CTNNA2: variants seen among roughly 807,000 people sequenced by gnomAD.
CTNNA2 encodes catenin alpha-2.
CTNNA2 carries 42 observed loss-of-function variants against 101.0 expected under a neutral mutation model. That is an observed-to-expected ratio of 0.42 (90% confidence interval 0.32 to 0.54). CTNNA2 has a LOEUF of 0.54. CTNNA2 is among the 20% of genes least tolerant of loss of function. The probability of loss-of-function intolerance (pLI) is 0.14; values close to 1 mark genes in which losing one functional copy is unlikely to be tolerated. For synonymous variants in CTNNA2, 450 were observed against 456.4 expected (o/e 0.99, Z 0.18); for missense variants, 871 against 1,223.1 (o/e 0.71, Z 4.29).
intron 7 of CTNNA2, among the ~76,000 whole-genome samples, chr2:79,959,770 T>C: frequency 6.6e-6 from 1 of 152,238 alleles, no homozygotes; most frequent in East Asian, 1.9e-4. Flanking sequence ...TATTTTCTTC[T>C]TGCGCAGAAA....
intron 1 of CTNNA2, among the ~76,000 whole-genome samples, chr2:79,539,231 G>A (rs965303473): frequency 3.3e-5 from 5 of 152,156 alleles, no homozygotes; most frequent in Non-Finnish European, 7.3e-5. Flanking sequence ...AGTGAGGCAT[G>A]CAAATGGCAG....
At chr2:80,458,855 G>A (rs1684193444) in intron 9 of CTNNA2, among the ~76,000 whole-genome samples, 1 of 152,094 alleles carries the variant, frequency 6.6e-6, no homozygotes, top group Admixed American at 6.5e-5. Flanking sequence ...CAACTTTGAT[G>A]TATAGTCATG....
At chr2:79,439,276 A>G (rs1248450372) in intron 4 of CTNNA2, among the ~76,000 whole-genome samples, 1 of 152,222 alleles carries the variant, frequency 6.6e-6, no homozygotes, top group East Asian at 1.9e-4. Flanking sequence ...CAACATGGGT[A>G]AACCTTTTAA....
At chr2:79,764,197 A>T (rs1291195339) in intron 3 of CTNNA2, among the ~76,000 whole-genome samples, 1 of 152,212 alleles carries the variant, frequency 6.6e-6, no homozygotes, top group African/African-American at 2.4e-5. Flanking sequence ...AACATACAGT[A>T]AATTTTGCTA....
At chr2:80,185,741 C>T (rs920051411) in intron 7 of CTNNA2, among the ~76,000 whole-genome samples, 2 of 152,146 alleles carry the variant, frequency 1.3e-5, no homozygotes, top group African/African-American at 4.8e-5. Context: ...TGGCTGCCTA[C>T]CATTTTCACT....
At chr2:79,901,066 T>C (rs1685039420) in intron 6 of CTNNA2, among the ~76,000 whole-genome samples, 3 of 152,196 alleles carry the variant, frequency 2.0e-5, no homozygotes, top group Middle Eastern at 3.2e-3. Context: ...TGGGAAAAGC[T>C]CAGAATAATT....
chr2:80,244,235 C>T (rs1671156549), intron 7 of CTNNA2, among the ~76,000 whole-genome samples: 1 of 152,132 alleles, frequency 6.6e-6, no homozygotes, highest in Admixed American at 6.5e-5. Flanking sequence ...AGTACATATG[C>T]TTTGTCTTTC....
intron 7 of CTNNA2, among the ~76,000 whole-genome samples, chr2:80,252,375 G>C (rs903693854): frequency 1.1e-4 from 16 of 152,084 alleles, no homozygotes; most frequent in African/African-American, 3.9e-4. Context: ...CTGTTTAGTG[G>C]CACCATTTAT....
chr2:79,786,988 T>C (rs1345976219), intron 3 of CTNNA2, among the ~76,000 whole-genome samples: 2 of 152,100 alleles, frequency 1.3e-5, no homozygotes, highest in Non-Finnish European at 2.9e-5. Context: ...TCCCCTATTA[T>C]TCAATCCATG....
chr2:80,477,325 G>A (rs578103021), intron 9 of CTNNA2, among the ~76,000 whole-genome samples: 9 of 152,166 alleles, frequency 5.9e-5, no homozygotes, highest in Middle Eastern at 3.4e-3. Flanking sequence ...TCTGTTCCTG[G>A]TAAATAGAAA....
chr2:80,355,951 A>G (rs999612530), intron 7 of CTNNA2, among the ~76,000 whole-genome samples: 1 of 149,924 alleles, frequency 6.7e-6, no homozygotes, highest in Non-Finnish European at 1.5e-5. Context: ...TCTCCCAAAA[A>G]GATTCCATTT....
At chr2:80,152,294 G>A (rs1703752622) in intron 7 of CTNNA2, among the ~76,000 whole-genome samples, 1 of 151,784 alleles carries the variant, frequency 6.6e-6, no homozygotes, top group South Asian at 2.1e-4. Context: ...GCAGATCCCG[G>A]AGAAGAACCA....
chr2:79,627,217 G>C (rs901976321), intron 1 of CTNNA2, among the ~76,000 whole-genome samples: 1 of 152,222 alleles, frequency 6.6e-6, no homozygotes, highest in African/African-American at 2.4e-5. Context: ...AGAATGTGTT[G>C]TGTCAAAGAA....
chr2:80,082,658 T>A (rs1699221457), intron 7 of CTNNA2, among the ~76,000 whole-genome samples: 1 of 152,172 alleles, frequency 6.6e-6, no homozygotes, highest in African/African-American at 2.4e-5. Flanking sequence ...TAAAAACTAT[T>A]TCTATCTCCA....
At chr2:79,196,170 G>A (rs1222068543) in intron 1 of CTNNA2, among the ~76,000 whole-genome samples, 2 of 152,132 alleles carry the variant, frequency 1.3e-5, no homozygotes, top group African/African-American at 4.8e-5. Context: ...CTGACCTCGT[G>A]ATCCACCCGC....
intron 18 of CTNNA2, among the ~76,000 whole-genome samples, chr2:80,621,532 G>T (rs190484648): frequency 2.0e-5 from 3 of 152,022 alleles, no homozygotes; most frequent in African/African-American, 7.2e-5. Context: ...TCCATGATAG[G>T]TAGCTACATA....
Position 80,105,156 on chromosome 2 carries a change from C to A in CTNNA2, c.1056+195359C>A, listed in dbSNP as rs556100959. On this transcript the variant is annotated intron_variant, in intron 7 of 18. Transcript: ENST00000402739. ...GTTCCTTACTATTCTCTGTGGAATT[C>A]TTTTCAGTAAAATACACCAACAGAA... Among the ~76,000 whole-genome samples, 8 of 152,266 alleles carry A rather than the reference C, an allele frequency of 5.3e-5. No homozygotes were observed. In the South Asian group the frequency reaches 1.4e-3, roughly 28 times the overall value.
At chr2:80,568,034 C>T (rs3770321) in intron 12 of CTNNA2, among the ~76,000 whole-genome samples, 24,595 of 152,090 alleles carry the variant, frequency 0.16, 2,043 homozygotes, top group Middle Eastern at 0.23. Flanking sequence ...TGGGTGACCC[C>T]TGTGCATGCA....
intron 12 of CTNNA2, among the ~76,000 whole-genome samples, chr2:80,571,679 C>T (rs2149697580): frequency 6.6e-6 from 1 of 152,270 alleles, no homozygotes; most frequent in South Asian, 2.1e-4. Context: ...ACTTTGACCT[C>T]AGGGCTTATT....
Sources: allele counts gnomAD v4.1 joint callset (sites outside exome capture counted in the v4.1 genomes callset), GRCh38; gene constraint gnomAD v4.1.1; transcripts MANE v1.5; gene names NCBI Gene and HGNC (gene_info 2026-07-23, HGNC 2026-07-21).